The following ERI1 variants were observed in gnomAD, a reference collection of about 807,000 sequenced individuals.
ERI1 encodes exoribonuclease 1.
A neutral mutation model predicts 39.7 loss-of-function variants in ERI1; 39 were observed. That is an observed-to-expected ratio of 0.98 (90% CI 0.76 to 1.28). ERI1 has a LOEUF of 1.28. Among genes scored for constraint, ERI1 ranks in the 50% most tolerant of loss-of-function variants. The pLI, the probability that ERI1 is intolerant of heterozygous loss-of-function variation, is 0.00. For synonymous variants in ERI1, 204 were observed against 149.6 expected (o/e 1.36, Z -2.65); for missense variants, 581 against 416.9 (o/e 1.39, Z -3.43).
chr8:9,008,378 G>A (rs1315312496), intron 2 of ERI1, among the ~76,000 whole-genome samples: 2 of 152,082 alleles, frequency 1.3e-5, no homozygotes, highest in East Asian at 3.9e-4. Context: ...TGACCTACCG[G>A]CAATGTATAG....
At chr8:9,042,971 A>G (rs1798071231) in intron 3 of ERI1, among the ~76,000 whole-genome samples, 1 of 152,190 alleles carries the variant, frequency 6.6e-6, no homozygotes, top group South Asian at 2.1e-4. Flanking sequence ...GCAGTCTGCA[A>G]GGATCTGGAG....
chr8:9,022,729 C>T (rs1393968031), intron 6 of ERI1, among the ~76,000 whole-genome samples: 3 of 152,014 alleles, frequency 2.0e-5, no homozygotes, highest in African/African-American at 7.3e-5. Context: ...TGTTTTTGAA[C>T]TCATTTTGTG....
At chr8:9,081,633 G>A (rs1005118797) in intron 3 of ERI1, among the ~76,000 whole-genome samples, 3 of 150,974 alleles carry the variant, frequency 2.0e-5, no homozygotes, top group African/African-American at 4.9e-5. Flanking sequence ...CCTACCTAAA[G>A]GGAACACTTA....
intron 3 of ERI1, among the ~76,000 whole-genome samples, chr8:9,086,779 G>A (rs1449606215): frequency 2.6e-5 from 4 of 152,148 alleles, no homozygotes; most frequent in Non-Finnish European, 5.9e-5. Flanking sequence ...TTAACATGAT[G>A]TTGTAAAAAC....
intron 3 of ERI1, among the ~76,000 whole-genome samples, chr8:9,085,996 T>C (rs187975102): frequency 1.8e-4 from 27 of 152,296 alleles, no homozygotes; most frequent in African/African-American, 6.5e-4. Context: ...AGATAATCTC[T>C]TGAGCAACCA....
chr8:9,074,291 A>G (rs953850911), intron 3 of ERI1, among the ~76,000 whole-genome samples: 17 of 149,768 alleles, frequency 1.1e-4, no homozygotes, highest in African/African-American at 3.9e-4. Flanking sequence ...TTTTTTTTTC[A>G]GTAGAGACAG....
chr8:9,038,339 A>G (rs140021274), intron 3 of ERI1, among the ~76,000 whole-genome samples: 56 of 152,334 alleles, frequency 3.7e-4, no homozygotes, highest in African/African-American at 1.3e-3. Context: ...ATTTTGAGAG[A>G]GGGAGACACC....
chr8:9,029,865 G>A lies in ERI1; in HGVS notation c.881G>A (p.Cys294Tyr). The A allele has an allele frequency of 6.2e-7, 1 of 1,614,192 alleles. No homozygotes were observed. Among genetic ancestry groups the A allele is most frequent in the Non-Finnish European group, 8.5e-7 (1 of 1,180,028 alleles). The change falls in exon 7 of 7, where the codon TGT becomes TAT. Residue 294 changes from cysteine to tyrosine, a missense_variant. Physicochemically the swap from Cys to Tyr is radical, Grantham distance 194. Coordinates refer to ENST00000250263, the MANE Select transcript of ERI1 (RefSeq NM_153332.4). ...LGMDYDGRPH[C>Y]GLDDSKNIAR... Reference sequence around the variant, plus strand: ...ATGGATTATGATGGGCGGCCTCACTGTGGTCTTGATGACTCTAAGAATATC... The same window carrying A: ...ATGGATTATGATGGGCGGCCTCACTATGGTCTTGATGACTCTAAGAATATC...
At chr8:9,047,708 A>T (rs1798218995) in intron 3 of ERI1, among the ~76,000 whole-genome samples, 1 of 138,218 alleles carries the variant, frequency 7.2e-6, no homozygotes, top group Non-Finnish European at 1.6e-5. Flanking sequence ...CTTAAAAAGA[A>T]AGAAAAGGAG....
intron 1 of ERI1, among the ~76,000 whole-genome samples, chr8:9,003,495 G>A (rs538343238): frequency 6.6e-6 from 1 of 152,166 alleles, no homozygotes; most frequent in African/African-American, 2.4e-5. Flanking sequence ...AGCCGTTATG[G>A]GTAGTTTGCA....
chr8:9,041,282 C>T (rs1444418768), intron 3 of ERI1, among the ~76,000 whole-genome samples: 1 of 152,094 alleles, frequency 6.6e-6, no homozygotes, highest in Non-Finnish European at 1.5e-5. Flanking sequence ...TCCTACATTC[C>T]TTACTACAGG....
intron 3 of ERI1, among the ~76,000 whole-genome samples, chr8:9,083,020 G>T (rs1157470259): frequency 6.6e-6 from 1 of 152,090 alleles, no homozygotes; most frequent in Non-Finnish European, 1.5e-5. Flanking sequence ...CCTCAATATT[G>T]CATGGGACAT....
intron 6 of ERI1, among the ~76,000 whole-genome samples, chr8:9,023,362 C>CT (rs982407918): frequency 3.3e-5 from 5 of 151,800 alleles, no homozygotes; most frequent in African/African-American, 1.2e-4. Flanking sequence ...CCTTTAGGTT[C>CT]TTTTTTTGCT....
intron 3 of ERI1, among the ~76,000 whole-genome samples, chr8:9,049,081 G>A (rs974614187): frequency 1.3e-5 from 2 of 151,882 alleles, no homozygotes; most frequent in Admixed American, 1.3e-4. Flanking sequence ...GCTTACACCT[G>A]TAATTCCAGC....
At chr8:9,056,913 A>G (rs1406657479) in intron 3 of ERI1, among the ~76,000 whole-genome samples, 1 of 151,918 alleles carries the variant, frequency 6.6e-6, no homozygotes, top group Non-Finnish European at 1.5e-5. Context: ...GTCTCACTGT[A>G]ATCTTTGTCA....
At chr8:9,064,247 G>C (rs1448530492) in intron 3 of ERI1, among the ~76,000 whole-genome samples, 1 of 2,422 alleles carries the variant, frequency 4.1e-4, no homozygotes, top group East Asian at 9.8e-3. Flanking sequence ...GGGGTTGGGG[G>C]GGTTTCTTGC....
chr8:9,006,084 T>C (rs1389770039), intron 1 of ERI1, among the ~76,000 whole-genome samples: 1 of 152,224 alleles, frequency 6.6e-6, no homozygotes, highest in Non-Finnish European at 1.5e-5. Context: ...CAAATGTAAG[T>C]ATGTATTTCG....
chr8:9,038,843 TA>T (rs1168636592), intron 3 of ERI1, among the ~76,000 whole-genome samples: 10 of 152,258 alleles, frequency 6.6e-5, no homozygotes, highest in African/African-American at 2.4e-4. Flanking sequence ...ACAATTAGTT[TA>T]TATATCTGGA....
chr8:9,027,035 C>G (rs1353595020), intron 6 of ERI1, among the ~76,000 whole-genome samples: 1 of 152,092 alleles, frequency 6.6e-6, no homozygotes, highest in Non-Finnish European at 1.5e-5. Flanking sequence ...TTTGAGGAAT[C>G]TCCACATTGT....
Sources: gnomAD v4.1 joint callset for allele counts (sites outside exome capture counted in the v4.1 genomes callset) on GRCh38, gnomAD v4.1.1 for gene constraint, MANE v1.5 for transcripts, NCBI Gene and HGNC (gene_info 2026-07-23, HGNC 2026-07-21) for gene names.